ABLIM1: variants seen among roughly 807,000 people sequenced by gnomAD.
The protein encoded by ABLIM1 is actin-binding LIM protein 1.
In ABLIM1, 40 loss-of-function variants were observed where a neutral mutation model predicts 107.0. The ratio of observed to expected loss-of-function variants is 0.37; its 90% CI spans 0.29 to 0.49. The LOEUF (loss-of-function observed/expected upper bound fraction) is 0.49, where lower values mean the gene tolerates loss of function less well. Among genes scored for constraint, ABLIM1 ranks in the 20% least tolerant of loss-of-function variants. The pLI is 0.97. For synonymous variants in ABLIM1, 357 were observed against 357.3 expected, an observed-to-expected ratio of 1.00 and a Z score of 0.01; for missense variants, 857 against 1,008.5, an observed-to-expected ratio of 0.85 and a Z score of 2.04.
At chr10:114,467,366 C>A (rs556283055) in intron 11 of ABLIM1, among the ~76,000 whole-genome samples, 7 of 152,254 alleles carry the variant, frequency 4.6e-5, no homozygotes, top group Middle Eastern at 3.4e-3. Flanking sequence ...GAAATTTCTA[C>A]TAGCACAATA....
chr10:114,542,639 A>T (rs1163964985), intron 6 of ABLIM1, among the ~76,000 whole-genome samples: 2 of 77,220 alleles, frequency 2.6e-5, no homozygotes, highest in Admixed American at 1.2e-4. Flanking sequence ...GGAGGAGGAG[A>T]AGGAAATTTC....
chr10:114,484,111 T>C (rs887292788), intron 8 of ABLIM1, among the ~76,000 whole-genome samples: 1 of 152,136 alleles, frequency 6.6e-6, no homozygotes, highest in Non-Finnish European at 1.5e-5. Flanking sequence ...CGGGTTTTTC[T>C]CTCACTGTCC....
intron 1 of ABLIM1, among the ~76,000 whole-genome samples, chr10:114,644,708 G>T (rs879488277): frequency 1.3e-5 from 2 of 152,126 alleles, no homozygotes; most frequent in Non-Finnish European, 2.9e-5. Flanking sequence ...GGGCCAATTA[G>T]ATTTTTACTC....
At chr10:114,449,956 C>A (rs952961966) in intron 14 of ABLIM1, 1 of 179,656 alleles carries the variant, frequency 5.6e-6, no homozygotes, top group African/African-American at 2.4e-5. Flanking sequence ...AAGAAGTCAA[C>A]TAATTCCTTC....
At chr10:114,489,168 C>T (rs1003177036) in intron 7 of ABLIM1, among the ~76,000 whole-genome samples, 3 of 152,134 alleles carry the variant, frequency 2.0e-5, no homozygotes, top group African/African-American at 4.8e-5. Context: ...CAGGCATGCA[C>T]CACCATGCCT....
chr10:114,620,266 A>T (rs143060745), intron 1 of ABLIM1, among the ~76,000 whole-genome samples: 3 of 152,332 alleles, frequency 2.0e-5, no homozygotes, highest in Non-Finnish European at 4.4e-5. Context: ...ATTTATATGC[A>T]TGTGTATATG....
chr10:114,583,448 CACACACACACACACACACACATATATAT>C (rs2073734304), intron 2 of ABLIM1, among the ~76,000 whole-genome samples: 34 of 75,662 alleles, frequency 4.5e-4, no homozygotes, highest in African/African-American at 2.2e-3. Flanking sequence ...CACACACACA[CACACACACACACACACACACATATATAT>C]ATATATATAT....
chr10:114,705,302 A>G (rs1048785682), intron 1 of ABLIM1, among the ~76,000 whole-genome samples: 1 of 152,210 alleles, frequency 6.6e-6, no homozygotes, highest in African/African-American at 2.4e-5. Flanking sequence ...AATAAAGTTT[A>G]TTGATAAAGA....
At chr10:114,644,410 A>G (rs2078923108) in intron 1 of ABLIM1, among the ~76,000 whole-genome samples, 1 of 144,268 alleles carries the variant, frequency 6.9e-6, no homozygotes, top group Non-Finnish European at 1.5e-5. Flanking sequence ...TTTATTTCAT[A>G]TTTCCTGTTA....
At chr10:114,595,895 C>A (rs1261607198) in intron 2 of ABLIM1, among the ~76,000 whole-genome samples, 1 of 152,188 alleles carries the variant, frequency 6.6e-6, no homozygotes, top group Non-Finnish European at 1.5e-5. Flanking sequence ...CTTCCAAATT[C>A]TTCTTCCCAA....
At chr10:114,493,749 G>T (rs1298443482) in intron 6 of ABLIM1, among the ~76,000 whole-genome samples, 1 of 152,168 alleles carries the variant, frequency 6.6e-6, no homozygotes, top group Admixed American at 6.5e-5. Context: ...GAACTTAACT[G>T]ATGAACATAA....
At chr10:114,787,388 C>T in the ABLIM1 span, among the ~76,000 whole-genome samples, 40 of 151,732 alleles carry the variant, frequency 2.6e-4, no homozygotes, top group East Asian at 7.1e-3. Flanking sequence ...GCAGCCACCC[C>T]GTCCGGGAGG....
At chr10:114,540,412 G>A (rs948012893) in intron 6 of ABLIM1, among the ~76,000 whole-genome samples, 12 of 152,208 alleles carry the variant, frequency 7.9e-5, no homozygotes, top group Admixed American at 7.9e-4. Flanking sequence ...GATTCAGATT[G>A]GCTGCCACCC....
chr10:114,459,412 T>G (rs2063431795), intron 12 of ABLIM1, among the ~76,000 whole-genome samples: 1 of 152,240 alleles, frequency 6.6e-6, no homozygotes, highest in Admixed American at 6.5e-5. Flanking sequence ...TTCAGAAATT[T>G]CTAAGTGCTG....
At chr10:114,631,820 A>T in intron 1 of ABLIM1, 1 of 1,274,454 alleles carries the variant, frequency 7.8e-7, no homozygotes, top group South Asian at 1.3e-5. Context: ...CTTTCGATTG[A>T]TCATTCCCCG....
intron 1 of ABLIM1, among the ~76,000 whole-genome samples, chr10:114,725,735 ATGTGTG>A (rs3981295): frequency 0.05 from 7,139 of 142,222 alleles, 250 homozygotes; most frequent in African/African-American, 0.091. Flanking sequence ...TATATATAAA[ATGTGTG>A]TGTGTGTGTG....
At position 114,538,791 on chromosome 10, in the gene ABLIM1, G is replaced by A. The variant is rs1403444155; in HGVS notation, c.894+6214C>T. Among the ~76,000 whole-genome samples, 4 of 152,160 alleles carry A rather than the reference G, an allele frequency of 2.6e-5. No individual in the cohort carries two copies. In the East Asian group the frequency reaches 7.7e-4, roughly 29 times the overall value. Reference sequence around the variant, plus strand: ...GAAGTACCACTCTGCAGTGTGGGACGAGGGCCGAGCGCCTTTGTCCTGAGT... The same window carrying A: ...GAAGTACCACTCTGCAGTGTGGGACAAGGGCCGAGCGCCTTTGTCCTGAGT... On this transcript the variant is annotated intron_variant, in intron 6 of 22. Coordinates refer to ENST00000533213, the MANE Select transcript of ABLIM1 (RefSeq NM_002313.7).
chr10:114,753,829 G>C (rs996842440), intron 1 of ABLIM1, among the ~76,000 whole-genome samples: 1 of 152,006 alleles, frequency 6.6e-6, no homozygotes, highest in Non-Finnish European at 1.5e-5. Flanking sequence ...TGTTTCTCTG[G>C]TCAGTTTGTT....
chr10:114,704,737 G>GT (rs772465544), intron 1 of ABLIM1, among the ~76,000 whole-genome samples: 2 of 152,148 alleles, frequency 1.3e-5, no homozygotes, highest in Non-Finnish European at 2.9e-5. Context: ...ATGGGAGTGT[G>GT]TAAGTCCTCT....
Sources: allele counts gnomAD v4.1 joint callset (sites outside exome capture counted in the v4.1 genomes callset), GRCh38; gene constraint gnomAD v4.1.1; transcripts MANE v1.5; gene names NCBI Gene and HGNC (gene_info 2026-07-23, HGNC 2026-07-21).